Variants in SLC14A2 observed in about 807,000 individuals in gnomAD.
The protein encoded by SLC14A2 is solute carrier family 14 member 2.
Under a neutral mutation model 104.6 loss-of-function variants are expected in SLC14A2, and 91 were observed. The observed-to-expected ratio is 0.87, with a 90% confidence interval of 0.73 to 1.04. SLC14A2 has a LOEUF of 1.04. Ranked by LOEUF, SLC14A2 falls within the 50% of genes least tolerant of loss-of-function variation. The probability of loss-of-function intolerance (pLI) is 0.00; values close to 1 mark genes in which losing one functional copy is unlikely to be tolerated. For synonymous variants in SLC14A2, 476 were observed against 466.4 expected (o/e 1.02, Z -0.27); for missense variants, 1,189 against 1,156.0 (o/e 1.03, Z -0.41).
chr18:45,226,900 T>C lies in SLC14A2; in HGVS notation c.-125+13709T>C, dbSNP rs556209738. Among the ~76,000 whole-genome samples the C allele has an allele frequency of 1.0e-3, 155 of 152,222 alleles. 1 individual carries two copies. The highest frequency in any genetic ancestry group is 3.5e-3 in the African/African-American group (145 of 41,526). ...TAGAAGTTTATTTTCCTCTCCTAAT[T>C]AGAGTCCGGAGGTGGGCAGCAGCTG... On this transcript the variant is annotated intron_variant, in intron 1 of 20. Coordinates refer to the SLC14A2 transcript ENST00000586448.
chr18:45,459,556 C>T (rs945206884), intron 1 of SLC14A2, among the ~76,000 whole-genome samples: 2 of 152,174 alleles, frequency 1.3e-5, no homozygotes, highest in African/African-American at 4.8e-5. Context: ...GTTCTCTCAA[C>T]CAAGAAGAAA....
At chr18:45,245,278 T>C (rs554022538) in intron 1 of SLC14A2, among the ~76,000 whole-genome samples, 1 of 152,306 alleles carries the variant, frequency 6.6e-6, no homozygotes, top group African/African-American at 2.4e-5. Flanking sequence ...GCTTGCCTTA[T>C]GTGTGAATAC....
chr18:45,218,313 T>C (rs1207048998), intron 1 of SLC14A2, among the ~76,000 whole-genome samples: 1 of 152,230 alleles, frequency 6.6e-6, no homozygotes, highest in Non-Finnish European at 1.5e-5. Flanking sequence ...ATCTTTAAAT[T>C]TCATCCATAT....
rs202026925 is a variant in SLC14A2 at position 45,412,084 on chromosome 18, AG to A, written c.-124-71148del. On this transcript the variant is annotated intron_variant, in intron 1 of 20. Transcript: ENST00000586448. ...CATATGCCCCTAAAAGCAGGAACCA[AG>A]TATTTTGTTGTTGTTAGTTTGCTGT... is the stretch of plus-strand genomic sequence containing the variant. Among the ~76,000 whole-genome samples, 441 of 152,262 alleles carry A rather than the reference AG, an allele frequency of 2.9e-3. 1 individual carries two copies. Among genetic ancestry groups the A allele is most frequent in the African/African-American group, 0.01 (423 of 41,554 alleles).
At chr18:45,527,734 A>G (rs2144823218) in intron 2 of SLC14A2, 1 of 152,336 alleles carries the variant, frequency 6.6e-6, no homozygotes, top group East Asian at 1.9e-4. Flanking sequence ...TCTAAGTCAT[A>G]GAATTGTGAG....
At chr18:45,610,920 A>G (rs1311796217), upstream of SLC14A2, among the ~76,000 whole-genome samples, 1 of 152,226 alleles carries the variant, frequency 6.6e-6, no homozygotes, top group Non-Finnish European at 1.5e-5. Flanking sequence ...TGTACAGAAA[A>G]TGTGTGCTGA....
At chr18:45,381,410 G>T (rs150961390) in intron 1 of SLC14A2, among the ~76,000 whole-genome samples, 3 of 152,130 alleles carry the variant, frequency 2.0e-5, no homozygotes, top group Non-Finnish European at 4.4e-5. Context: ...GAGAAGGGAC[G>T]ACCTCTTGAA....
At chr18:45,392,554 T>C (rs1176148437) in intron 1 of SLC14A2, among the ~76,000 whole-genome samples, 1 of 152,244 alleles carries the variant, frequency 6.6e-6, no homozygotes, top group African/African-American at 2.4e-5. Context: ...TTAGATGTTA[T>C]ATACCATGCT....
intron 2 of SLC14A2, among the ~76,000 whole-genome samples, chr18:45,573,402 T>C (rs920621360): frequency 6.6e-6 from 1 of 152,210 alleles, no homozygotes; most frequent in Non-Finnish European, 1.5e-5. Context: ...CCAAATGTCA[T>C]ATGGAAATAA....
chr18:45,326,141 T>C (rs1344313830), intron 1 of SLC14A2, among the ~76,000 whole-genome samples: 1 of 152,212 alleles, frequency 6.6e-6, no homozygotes, highest in Admixed American at 6.5e-5. Flanking sequence ...AAAAAGGGAA[T>C]TACCAAAATG....
chr18:45,648,639 C>T (rs1283352754), intron 10 of SLC14A2, among the ~76,000 whole-genome samples: 1 of 152,046 alleles, frequency 6.6e-6, no homozygotes, highest in Non-Finnish European at 1.5e-5. Context: ...TTACTTTTAA[C>T]TATATTTTTT....
At chr18:45,675,126 C>T (rs2144655236) in intron 18 of SLC14A2, among the ~76,000 whole-genome samples, 1 of 152,314 alleles carries the variant, frequency 6.6e-6, no homozygotes. Context: ...AACTGAGTCA[C>T]ATCATCTCCC....
At chr18:45,170,278 G>A in the SLC14A2 span, among the ~76,000 whole-genome samples, 1 of 152,126 alleles carries the variant, frequency 6.6e-6, no homozygotes, top group Admixed American at 6.6e-5. Flanking sequence ...ATTTGGAGAG[G>A]CAGAGGTGAG....
At chr18:45,571,227 C>T (rs201674296) in intron 2 of SLC14A2, among the ~76,000 whole-genome samples, 2 of 152,368 alleles carry the variant, frequency 1.3e-5, no homozygotes, top group East Asian at 3.9e-4. Context: ...GGACAGGACA[C>T]ATGTCAATTT....
intron 1 of SLC14A2, among the ~76,000 whole-genome samples, chr18:45,265,271 G>T (rs1230343158): frequency 1.3e-5 from 2 of 152,120 alleles, no homozygotes; most frequent in African/African-American, 2.4e-5. Context: ...TTCCTAACTA[G>T]CTCCAAAGAG....
chr18:45,414,934 G>A (rs1310371365), intron 1 of SLC14A2, among the ~76,000 whole-genome samples: 1 of 151,302 alleles, frequency 6.6e-6, no homozygotes, highest in African/African-American at 2.4e-5. Context: ...TTTCAGCAGA[G>A]TCCGATCAGC....
chr18:45,531,782 A>G (rs912843159), intron 2 of SLC14A2, among the ~76,000 whole-genome samples: 2 of 152,134 alleles, frequency 1.3e-5, no homozygotes, highest in African/African-American at 4.8e-5. Context: ...GCCCATGCCT[A>G]TGTCCTGAAT....
intron 2 of SLC14A2, among the ~76,000 whole-genome samples, chr18:45,505,385 G>A (rs1018434724): frequency 6.6e-5 from 10 of 152,212 alleles, no homozygotes; most frequent in Admixed American, 1.3e-4. Context: ...TCATAACGAC[G>A]TTGAAGAATA....
intron 1 of SLC14A2, among the ~76,000 whole-genome samples, chr18:45,356,358 T>G (rs2085554189): frequency 6.6e-6 from 1 of 152,216 alleles, no homozygotes; most frequent in African/African-American, 2.4e-5. Context: ...TTTTAGAGTT[T>G]CAATAATCAT....
Sources: gnomAD v4.1 joint callset for allele counts (sites outside exome capture counted in the v4.1 genomes callset) on GRCh38, gnomAD v4.1.1 for gene constraint, MANE v1.5 for transcripts, NCBI Gene and HGNC (gene_info 2026-07-23, HGNC 2026-07-21) for gene names.